Variants in TBC1D15 observed in about 807,000 individuals in gnomAD.
The protein encoded by TBC1D15 is GAP for RAB7.
A neutral mutation model predicts 95.4 loss-of-function variants in TBC1D15; 39 were observed. The observed-to-expected ratio is 0.41, with a 90% confidence interval of 0.32 to 0.53. TBC1D15 has a LOEUF of 0.53. Ranked by LOEUF, TBC1D15 falls within the 20% of genes least tolerant of loss-of-function variation. The pLI is 0.29. For synonymous variants in TBC1D15, 258 were observed against 261.3 expected, an observed-to-expected ratio of 0.99 and a Z score of 0.12; for missense variants, 733 against 794.3, an observed-to-expected ratio of 0.92 and a Z score of 0.93.
At chr12:71,915,065 T>G (rs1405834255) in intron 12 of TBC1D15, among the ~76,000 whole-genome samples, 1 of 152,060 alleles carries the variant, frequency 6.6e-6, no homozygotes, top group Non-Finnish European at 1.5e-5. Context: ...TAAATTAATT[T>G]TTTTTGACTA....
chr12:71,895,009 AGTATATCTGACAATGAGTGCTT>A, intron 7 of TBC1D15, 126 bp downstream of exon 7: 1 of 821,712 alleles, frequency 1.2e-6, no homozygotes, highest in Non-Finnish European at 1.8e-6. Context: ...ACTTTTTGCT[AGTATATCTGACAATGAGTGCTT>A]GTCCTGCCAC....
chr12:71,887,407 AT>A (rs890918140), intron 5 of TBC1D15, among the ~76,000 whole-genome samples: 4 of 152,332 alleles, frequency 2.6e-5, no homozygotes, highest in African/African-American at 9.6e-5. Context: ...TCAATGCAAC[AT>A]TAAATAAAAT....
Position 71,894,873 on chromosome 12 carries a change from T to C in TBC1D15, c.845T>C (p.Val282Ala), listed in dbSNP as rs1335606340. Residue 282 changes from valine to alanine, a missense_variant, in exon 7 of 17, where the codon GTC becomes GCC. By Grantham distance (64) the Val-to-Ala change is moderately conservative. Transcript: ENST00000485960. ...INQQEEPGFE[V>A]ITRIDLGERP... ...CAACAAGAAGAACCAGGATTTGAAG[T>C]CATCACAAGAGTGAGTAAAGATTAG... The C allele has an allele frequency of 6.2e-7, 1 of 1,612,468 alleles. No homozygotes were observed.
chr12:71,898,346 A>G (rs1187720061), intron 10 of TBC1D15, among the ~76,000 whole-genome samples: 1 of 152,082 alleles, frequency 6.6e-6, no homozygotes, highest in African/African-American at 2.4e-5. Context: ...CCCAGAGATA[A>G]TTATGGTTAA....
intron 9 of TBC1D15, among the ~76,000 whole-genome samples, chr12:71,897,470 AT>A (rs199698496): frequency 6.6e-6 from 1 of 152,014 alleles, no homozygotes; most frequent in Non-Finnish European, 1.5e-5. Context: ...ATAATGTCAC[AT>A]TTTTTAAAAA....
intron 16 of TBC1D15, among the ~76,000 whole-genome samples, chr12:71,922,165 A>C (rs746823714): frequency 6.6e-6 from 1 of 152,064 alleles, no homozygotes; most frequent in Non-Finnish European, 1.5e-5. Context: ...GCTCACTGCA[A>C]CCTTCTCCTC....
rs369877443 is a variant in TBC1D15 at position 71,920,809 on chromosome 12, A to G, written c.1678A>G (p.Ile560Val). 23 of 1,612,508 alleles carry G rather than the reference A, an allele frequency of 1.4e-5. No homozygotes were observed. In the African/African-American group the frequency reaches 2.3e-4, roughly 16 times the overall value. The change falls in exon 15 of 17, where the codon ATA becomes GTA. Residue 560 changes from isoleucine to valine, a missense_variant. Physicochemically the swap from Ile to Val is conservative, Grantham distance 29. Transcript: ENST00000485960. ...CAILESEKQQ[I>V]MEKHYGFNEI... ...TATTCTGGAATCAGAAAAGCAGCAAATAATGGAAAAGCATTATGGCTTCAA... is the reference window on the plus strand; with the variant it reads ...TATTCTGGAATCAGAAAAGCAGCAAGTAATGGAAAAGCATTATGGCTTCAA...
At chr12:71,896,285 A>T (rs1898158106) in intron 8 of TBC1D15, 1 of 459,322 alleles carries the variant, frequency 2.2e-6, no homozygotes, top group Admixed American at 3.8e-5. Context: ...GGTGCTTATG[A>T]TGTTCCTGGG....
At chr12:71,877,804 A>G (rs1273585168) in intron 3 of TBC1D15, among the ~76,000 whole-genome samples, 2 of 152,004 alleles carry the variant, frequency 1.3e-5, no homozygotes, top group African/African-American at 4.8e-5. Flanking sequence ...TCATCTCCCT[A>G]TGTAGTCCAT....
At chr12:71,885,512 A>G (rs536811246) in intron 5 of TBC1D15, among the ~76,000 whole-genome samples, 1 of 152,100 alleles carries the variant, frequency 6.6e-6, no homozygotes, top group East Asian at 1.9e-4. Flanking sequence ...ATGCTTCCTC[A>G]CTGTTACTCT....
chr12:71,857,993 C>G (rs1889485958), intron 1 of TBC1D15, among the ~76,000 whole-genome samples: 1 of 152,162 alleles, frequency 6.6e-6, no homozygotes, highest in Non-Finnish European at 1.5e-5. Flanking sequence ...CAATGCTCAT[C>G]CATGTTACTG....
chr12:71,920,233 G>A (rs192857194), intron 14 of TBC1D15, among the ~76,000 whole-genome samples: 23 of 152,220 alleles, frequency 1.5e-4, no homozygotes, highest in African/African-American at 4.6e-4. Context: ...TCACAATCAG[G>A]GATAAAATGT....
intron 5 of TBC1D15, among the ~76,000 whole-genome samples, chr12:71,887,731 TCCTTC>T (rs1024944878): frequency 2.6e-5 from 4 of 152,204 alleles, no homozygotes; most frequent in Non-Finnish European, 5.9e-5. Flanking sequence ...CTTGTTTGCT[TCCTTC>T]ATGGCATCTA....
intron 16 of TBC1D15, 72 bp from the exon 17 acceptor site, chr12:71,922,911 C>A: frequency 2.2e-6 from 3 of 1,385,136 alleles, no homozygotes; most frequent in African/African-American, 1.4e-5. Flanking sequence ...TAGTCTTAAA[C>A]AGAAGTGTTA....
chr12:71,917,215 A>G (rs890463794), intron 12 of TBC1D15, among the ~76,000 whole-genome samples: 5 of 152,298 alleles, frequency 3.3e-5, no homozygotes, highest in South Asian at 2.1e-4. Flanking sequence ...AAATCCAGAT[A>G]ATGTTTTAGT....
intron 5 of TBC1D15, among the ~76,000 whole-genome samples, chr12:71,886,801 A>G (rs983226862): frequency 6.6e-6 from 1 of 152,208 alleles, no homozygotes; most frequent in Non-Finnish European, 1.5e-5. Context: ...AGACAGTATC[A>G]TGATTGGAAT....
Position 71,842,692 on chromosome 12 carries a change from G to A in TBC1D15, c.30+2881G>A, listed in dbSNP as rs188637998. Among the ~76,000 whole-genome samples, 161 of 151,996 alleles carry A rather than the reference G, an allele frequency of 1.1e-3. 2 individuals are homozygous for A. Among genetic ancestry groups the A allele is most frequent in the African/African-American group, 3.8e-3 (159 of 41,474 alleles). On this transcript the variant is annotated intron_variant, in intron 1 of 16. Transcript: ENST00000485960. ...TGAAAAATAAAAAAATTAGCTAGTT[G>A]TGGTGACATGTGCCTGTTGTCCCAG...
chr12:71,890,280 C>G (rs769597823), intron 5 of TBC1D15, among the ~76,000 whole-genome samples: 1 of 152,018 alleles, frequency 6.6e-6, no homozygotes, highest in Non-Finnish European at 1.5e-5. Flanking sequence ...CTAAGTAAAA[C>G]GATGTTTCCA....
At chr12:71,921,098 A>G (rs1869122973) in intron 15 of TBC1D15, among the ~76,000 whole-genome samples, 1 of 152,176 alleles carries the variant, frequency 6.6e-6, no homozygotes, top group Non-Finnish European at 1.5e-5. Context: ...TCAAAAATTA[A>G]TTGTCTTTTG....
Sources: allele counts gnomAD v4.1 joint callset (sites outside exome capture counted in the v4.1 genomes callset), GRCh38; gene constraint gnomAD v4.1.1; transcripts MANE v1.5; gene names NCBI Gene and HGNC (gene_info 2026-07-23, HGNC 2026-07-21).